PCDH9: variants seen among roughly 807,000 people sequenced by gnomAD.
PCDH9 encodes protocadherin-9.
A neutral mutation model predicts 70.6 loss-of-function variants in PCDH9; 24 were observed. The ratio of observed to expected loss-of-function variants is 0.34; its 90% CI spans 0.25 to 0.48. The LOEUF is 0.48. PCDH9 is among the 20% of genes least tolerant of loss of function. The pLI is 0.99. For missense variants in PCDH9, 1,281 were observed against 1,503.6 expected (o/e 0.85, Z 2.45); for synonymous variants, 562 against 558.5 (o/e 1.01, Z -0.09).
At chr13:66,994,754 G>A (rs1205490887) in intron 2 of PCDH9, among the ~76,000 whole-genome samples, 1 of 151,932 alleles carries the variant, frequency 6.6e-6, no homozygotes, top group Admixed American at 6.6e-5. Context: ...TCACTTCCTC[G>A]GTGCTTCAGT....
chr13:66,722,933 A>T (rs886898138), intron 3 of PCDH9, among the ~76,000 whole-genome samples: 2 of 148,500 alleles, frequency 1.3e-5, no homozygotes, highest in African/African-American at 5.0e-5. Flanking sequence ...GTGCCACTGT[A>T]CTCCAGCCTG....
At chr13:66,935,414 A>G (rs2082899955) in intron 2 of PCDH9, among the ~76,000 whole-genome samples, 1 of 152,170 alleles carries the variant, frequency 6.6e-6, no homozygotes. Context: ...TCAAGTTGGT[A>G]CTGAGTTTAA....
intron 4 of PCDH9, among the ~76,000 whole-genome samples, chr13:66,421,286 A>G (rs993687804): frequency 2.0e-5 from 3 of 152,206 alleles, no homozygotes; most frequent in African/African-American, 4.8e-5. Flanking sequence ...TCCCCGACCT[A>G]GCAAGACAGG....
intron 4 of PCDH9, among the ~76,000 whole-genome samples, chr13:66,371,471 CAATT>C (rs1045547953): frequency 2.0e-5 from 3 of 151,784 alleles, no homozygotes; most frequent in Non-Finnish European, 4.4e-5. Flanking sequence ...ATCTTTAGTT[CAATT>C]AATTAAAGCT....
intron 3 of PCDH9, among the ~76,000 whole-genome samples, chr13:66,749,932 T>A (rs2079431020): frequency 6.6e-6 from 1 of 152,160 alleles, no homozygotes; most frequent in Admixed American, 6.5e-5. Context: ...GTGTATATGA[T>A]AAATGCATAT....
At chr13:67,077,021 C>T (rs571107395) in intron 2 of PCDH9, among the ~76,000 whole-genome samples, 3 of 152,288 alleles carry the variant, frequency 2.0e-5, no homozygotes, top group South Asian at 4.1e-4. Flanking sequence ...AAGAATTTTG[C>T]ATAAGGTTGC....
chr13:66,790,113 A>G (rs943767391), intron 3 of PCDH9, among the ~76,000 whole-genome samples: 6 of 152,166 alleles, frequency 3.9e-5, no homozygotes, highest in Non-Finnish European at 5.9e-5. Flanking sequence ...AGACCACTTA[A>G]CAATGTAAGA....
intron 3 of PCDH9, among the ~76,000 whole-genome samples, chr13:66,871,729 G>T (rs2081691255): frequency 6.6e-6 from 1 of 152,022 alleles, no homozygotes; most frequent in Admixed American, 6.6e-5. Context: ...ATATATATTT[G>T]TTATATGAGG....
At chr13:66,588,904 AT>A (rs201590689) in intron 4 of PCDH9, among the ~76,000 whole-genome samples, 3,630 of 151,756 alleles carry the variant, frequency 0.024, 150 homozygotes, top group African/African-American at 0.083. Context: ...TAAAAATTTC[AT>A]TTTTTTACAA....
At chr13:67,088,336 A>C (rs2086150925) in intron 2 of PCDH9, among the ~76,000 whole-genome samples, 1 of 152,006 alleles carries the variant, frequency 6.6e-6, no homozygotes, top group South Asian at 2.1e-4. Flanking sequence ...TCAAGACTAG[A>C]CCGCAGGCCA....
intron 2 of PCDH9, among the ~76,000 whole-genome samples, chr13:67,116,743 T>A (rs1178091588): frequency 6.6e-6 from 1 of 152,178 alleles, no homozygotes; most frequent in Non-Finnish European, 1.5e-5. Context: ...ATAAAAATCA[T>A]TATGTTCCAG....
intron 3 of PCDH9, among the ~76,000 whole-genome samples, chr13:66,671,272 T>C (rs556040910): frequency 6.6e-6 from 1 of 152,256 alleles, no homozygotes; most frequent in East Asian, 1.9e-4. Flanking sequence ...TATTTCTTCA[T>C]AGCAGTATGA....
chr13:66,677,049 A>G (rs2139050774), intron 3 of PCDH9, among the ~76,000 whole-genome samples: 1 of 152,200 alleles, frequency 6.6e-6, no homozygotes, highest in East Asian at 1.9e-4. Flanking sequence ...GTGACACAGG[A>G]ATGTCATGAA....
chr13:66,810,588 G>A (rs1037887389), intron 3 of PCDH9, among the ~76,000 whole-genome samples: 3 of 151,840 alleles, frequency 2.0e-5, no homozygotes, highest in Admixed American at 6.6e-5. Context: ...ATATACAACA[G>A]TGAGCACCTA....
At chr13:66,645,847 T>C (rs1051034797) in intron 3 of PCDH9, among the ~76,000 whole-genome samples, 1 of 152,042 alleles carries the variant, frequency 6.6e-6, no homozygotes, top group Non-Finnish European at 1.5e-5. Flanking sequence ...ACAAATGAAA[T>C]AGGTATTATG....
intron 2 of PCDH9, chr13:66,978,324 C>T (rs1488789132): frequency 6.6e-6 from 1 of 150,678 alleles, no homozygotes; most frequent in Non-Finnish European, 1.5e-5. Context: ...AGTAACTCTG[C>T]AAACCAAATA....
intron 3 of PCDH9, among the ~76,000 whole-genome samples, chr13:66,651,105 C>T (rs866570458): frequency 9.9e-5 from 15 of 150,972 alleles, no homozygotes; most frequent in Admixed American, 5.9e-4. Flanking sequence ...AGTAAACAAC[C>T]TAAAAATGCA....
At chr13:66,878,384 G>T (rs986215681) in intron 3 of PCDH9, among the ~76,000 whole-genome samples, 2 of 151,800 alleles carry the variant, frequency 1.3e-5, no homozygotes, top group South Asian at 2.1e-4. Flanking sequence ...CCGCCACCAC[G>T]CCCGGCTAAT....
At chr13:67,051,324 G>C (rs260166) in intron 2 of PCDH9, among the ~76,000 whole-genome samples, 1 of 150,646 alleles carries the variant, frequency 6.6e-6, no homozygotes, top group Non-Finnish European at 1.5e-5. Flanking sequence ...TGGGAGGTGG[G>C]TCTGCATGAT....
Sources: gnomAD v4.1 joint callset for allele counts (sites outside exome capture counted in the v4.1 genomes callset) on GRCh38, gnomAD v4.1.1 for gene constraint, MANE v1.5 for transcripts, NCBI Gene and HGNC (gene_info 2026-07-23, HGNC 2026-07-21) for gene names.